The following GFOD1 variants were observed in gnomAD, a reference collection of about 807,000 sequenced individuals.
GFOD1 encodes Gfo/Idh/MocA-like oxidoreductase domain containing 1.
In GFOD1, 9 loss-of-function variants were observed where a neutral mutation model predicts 25.4. The observed-to-expected ratio is 0.35, with a 90% confidence interval of 0.21 to 0.62. The LOEUF (loss-of-function observed/expected upper bound fraction) is 0.62. GFOD1 is among the 20% of genes least tolerant of loss of function. The probability of loss-of-function intolerance (pLI) is 0.72; values close to 1 mark genes in which losing one functional copy is unlikely to be tolerated. For synonymous variants in GFOD1, 253 were observed against 245.6 expected (o/e 1.03, Z -0.28); for missense variants, 403 against 556.9 (o/e 0.72, Z 2.78).
chr6:13,449,413 T>C (rs1025590298), intron 1 of GFOD1, among the ~76,000 whole-genome samples: 1 of 152,188 alleles, frequency 6.6e-6, no homozygotes, highest in African/African-American at 2.4e-5. Context: ...CCATGAAGGG[T>C]GCGAAAACTC....
At chr6:13,457,342 T>C (rs1406012354) in intron 1 of GFOD1, among the ~76,000 whole-genome samples, 1 of 152,108 alleles carries the variant, frequency 6.6e-6, no homozygotes, top group Non-Finnish European at 1.5e-5. Flanking sequence ...CAATAAACAT[T>C]TGGGGATGAT....
intron 1 of GFOD1, among the ~76,000 whole-genome samples, chr6:13,483,559 C>A (rs56234180): frequency 6.6e-6 from 1 of 152,140 alleles, no homozygotes; most frequent in Non-Finnish European, 1.5e-5. Flanking sequence ...TGGCTAGAGG[C>A]AGGGTTGGGT....
At chr6:13,367,968 G>A (rs1010245634) in intron 1 of GFOD1, among the ~76,000 whole-genome samples, 5 of 152,078 alleles carry the variant, frequency 3.3e-5, no homozygotes, top group Admixed American at 2.0e-4. Context: ...TGAGACACAC[G>A]CCACCCTATC....
intron 1 of GFOD1, among the ~76,000 whole-genome samples, chr6:13,376,191 G>C (rs1173033662): frequency 1.3e-5 from 2 of 152,214 alleles, no homozygotes; most frequent in Non-Finnish European, 2.9e-5. Flanking sequence ...AGAGTCTAAG[G>C]AGGCAGGGAG....
intron 1 of GFOD1, among the ~76,000 whole-genome samples, chr6:13,368,965 T>G (rs963726769): frequency 1.5e-4 from 23 of 152,358 alleles, no homozygotes; most frequent in African/African-American, 5.0e-4. Flanking sequence ...TTTATTAGGT[T>G]GCTGCAAATG....
chr6:13,482,110 AATAT>A (rs905377795), intron 1 of GFOD1, among the ~76,000 whole-genome samples: 9 of 149,004 alleles, frequency 6.0e-5, no homozygotes, highest in African/African-American at 2.2e-4. Context: ...TATATATTGT[AATAT>A]ATATAAAAAT....
Position 13,359,272 on chromosome 6 carries a change from C to T in GFOD1, c.*5471G>A, listed in dbSNP as rs73364940. On this transcript the variant is annotated 3_prime_UTR_variant, in exon 2 of 2. Coordinates refer to ENST00000379287, the MANE Select transcript of GFOD1 (RefSeq NM_018988.4). ...CCAGCTGCACACCCCTTTTCTTCCA[C>T]GGCCCTCCTCTTTCTCCCCAAAAGG... The T allele has an allele frequency of 0.032, 4,940 of 152,350 alleles. 238 individuals carry two copies. Among genetic ancestry groups the T allele is most frequent in the African/African-American group, 0.11 (4,677 of 41,526 alleles). The allele number at this position is 152,350 out of a possible 1,614,324, so 9.4% of individuals were successfully genotyped here.
At chr6:13,444,150 C>T (rs2127572566) in intron 1 of GFOD1, among the ~76,000 whole-genome samples, 1 of 152,196 alleles carries the variant, frequency 6.6e-6, no homozygotes, top group South Asian at 2.1e-4. Flanking sequence ...AAATGGGGTA[C>T]ATAAACACCA....
intron 1 of GFOD1, among the ~76,000 whole-genome samples, chr6:13,477,216 G>GGTGTGTGTGT (rs60649261): frequency 4.3e-5 from 6 of 140,770 alleles, no homozygotes; most frequent in Non-Finnish European, 7.7e-5. Context: ...ACCAATAGGG[G>GGTGTGTGTGT]GTGTGTGTGT....
chr6:13,462,062 CCT>C (rs1321084769), intron 1 of GFOD1, among the ~76,000 whole-genome samples: 1 of 152,208 alleles, frequency 6.6e-6, no homozygotes, highest in African/African-American at 2.4e-5. Flanking sequence ...AGGTCCTTAA[CCT>C]CTCGGTTTCT....
At chr6:13,455,000 G>T (rs1166951755) in intron 1 of GFOD1, among the ~76,000 whole-genome samples, 2 of 152,202 alleles carry the variant, frequency 1.3e-5, no homozygotes, top group African/African-American at 4.8e-5. Context: ...ATTTGGATGA[G>T]ATTTTCCACC....
intron 1 of GFOD1, among the ~76,000 whole-genome samples, chr6:13,412,834 G>A (rs140365148): frequency 1.1e-4 from 16 of 152,362 alleles, no homozygotes; most frequent in African/African-American, 3.8e-4. Context: ...GTGACGGGGT[G>A]GAGAGGGCTC....
intron 1 of GFOD1, among the ~76,000 whole-genome samples, chr6:13,447,644 G>A (rs1349088888): frequency 6.7e-6 from 1 of 149,244 alleles, no homozygotes; most frequent in Non-Finnish European, 1.5e-5. Context: ...GGGAGGCTGA[G>A]GCAGGAGAAT....
intron 1 of GFOD1, among the ~76,000 whole-genome samples, chr6:13,476,285 G>C (rs1021358582): frequency 1.3e-5 from 2 of 152,206 alleles, no homozygotes; most frequent in African/African-American, 2.4e-5. Flanking sequence ...CTTCTGAGCC[G>C]TGCAACAACA....
At chr6:13,388,515 G>T (rs1214107850) in intron 1 of GFOD1, among the ~76,000 whole-genome samples, 2 of 152,214 alleles carry the variant, frequency 1.3e-5, no homozygotes, top group Non-Finnish European at 2.9e-5. Flanking sequence ...AATGGGGAAA[G>T]AATTCCCTAT....
rs539652310 is a variant in GFOD1 at position 13,382,867 on chromosome 6, T to A, written c.254-17205A>T. Among the ~76,000 whole-genome samples, 3 of 152,208 alleles carry A rather than the reference T, an allele frequency of 2.0e-5. No homozygotes were observed. In the South Asian group the frequency reaches 6.2e-4, roughly 31 times the overall value. On this transcript the variant is annotated intron_variant, in intron 1 of 1. Coordinates refer to ENST00000379287, the MANE Select transcript of GFOD1 (RefSeq NM_018988.4). The stretch of plus-strand genomic sequence containing the variant: ...CCAGTGTGTGTTGTTCCCCTTCCTG[T>A]GTCCATGTGTTCTCATTGTTCAGCT...
At chr6:13,468,175 C>T (rs1297548665) in intron 1 of GFOD1, among the ~76,000 whole-genome samples, 1 of 152,006 alleles carries the variant, frequency 6.6e-6, no homozygotes, top group Admixed American at 6.6e-5. Context: ...CCTTACTAGA[C>T]TTTAATTTTC....
intron 1 of GFOD1, among the ~76,000 whole-genome samples, chr6:13,479,800 G>T (rs545522482): frequency 5.3e-5 from 8 of 152,080 alleles, no homozygotes; most frequent in African/African-American, 1.9e-4. Context: ...GGGCTTCCTC[G>T]GCTCTACGAC....
Position 13,445,327 on chromosome 6 carries a change from A to G in GFOD1, c.253+41311T>C, listed in dbSNP as rs112920926. 8.9e-3 allele frequency among the ~76,000 whole-genome samples: 1,357 copies of G among 152,346 alleles called. 28 individuals are homozygous for G. The highest frequency in any genetic ancestry group is 0.068 in the South Asian group (330 of 4,830). ...ATTACTAAGGAAATAATATGCATAT[A>G]AATGAGTTCCAGAGACTGCCCATGG... On this transcript the variant is annotated intron_variant, in intron 1 of 1. Coordinates refer to ENST00000379287, the MANE Select transcript of GFOD1 (RefSeq NM_018988.4).
Sources: allele counts gnomAD v4.1 joint callset (sites outside exome capture counted in the v4.1 genomes callset), GRCh38; gene constraint gnomAD v4.1.1; transcripts MANE v1.5; gene names NCBI Gene and HGNC (gene_info 2026-07-23, HGNC 2026-07-21).